Variants in ATP8A2 observed in about 807,000 individuals in gnomAD.
The protein encoded by ATP8A2 is phospholipid-transporting ATPase IB.
Under a neutral mutation model 165.6 loss-of-function variants are expected in ATP8A2, and 100 were observed. The observed-to-expected ratio is 0.60, with a 90% CI of 0.51 to 0.71. The LOEUF is 0.71. ATP8A2 is among the 30% of genes least tolerant of loss of function. The pLI is 0.00. For synonymous variants in ATP8A2, 543 were observed against 548.8 expected (o/e 0.99, Z 0.15); for missense variants, 1,227 against 1,479.5 (o/e 0.83, Z 2.80).
chr13:25,828,152 A>T lies in ATP8A2; in HGVS notation c.2714A>T (p.Gln905Leu). 1 of 1,614,178 alleles carries T rather than the reference A, an allele frequency of 6.2e-7. No individual in the cohort carries two copies. The highest frequency in any genetic ancestry group is 8.5e-7 in the Non-Finnish European group (1 of 1,180,008). ...WFAFVNGFSG[Q>L]ILFERWCIGL... ...GCCTTTGTTAATGGATTTTCTGGGC[A>T]GATTTTATTTGAACGTTGGTGCATC... Residue 905 changes from glutamine (Q) to leucine (L), a missense_variant, in exon 28 of 37, where the codon CAG (glutamine) becomes CTG (leucine). By Grantham distance (113) the Gln-to-Leu change is moderately radical. This residue lies in a region of ATP8A2 where 592 missense variants were observed against 785.6 expected (regional missense o/e 0.75). Transcript: ENST00000381655.
chr13:25,781,815 A>C (rs544095234), intron 27 of ATP8A2, among the ~76,000 whole-genome samples: 1 of 152,296 alleles, frequency 6.6e-6, no homozygotes, highest in East Asian at 1.9e-4. Flanking sequence ...TTAGAAAAAA[A>C]TCATATCTAA....
At chr13:25,481,265 G>T (rs966976535) in intron 2 of ATP8A2, among the ~76,000 whole-genome samples, 3 of 152,034 alleles carry the variant, frequency 2.0e-5, no homozygotes, top group African/African-American at 7.2e-5. Context: ...TCCCAATATT[G>T]TTTTTGCCCA....
chr13:26,006,951 T>C (rs1956752207), intron 35 of ATP8A2, among the ~76,000 whole-genome samples: 1 of 151,870 alleles, frequency 6.6e-6, no homozygotes, highest in South Asian at 2.1e-4. Flanking sequence ...ATACTGAATT[T>C]AGTTTGCTAG....
At chr13:26,003,517 C>T (rs375460688) in intron 35 of ATP8A2, among the ~76,000 whole-genome samples, 2 of 152,246 alleles carry the variant, frequency 1.3e-5, no homozygotes, top group African/African-American at 2.4e-5. Flanking sequence ...TGTGCAGAAG[C>T]TCTATTGTTT....
At chr13:25,987,218 G>A (rs529855402) in intron 35 of ATP8A2, among the ~76,000 whole-genome samples, 8 of 152,094 alleles carry the variant, frequency 5.3e-5, no homozygotes, top group Admixed American at 1.3e-4. Flanking sequence ...ATTGGTTGCC[G>A]TAAATCTTTT....
intron 27 of ATP8A2, among the ~76,000 whole-genome samples, chr13:25,813,562 C>T (rs1049893020): frequency 5.0e-5 from 5 of 100,970 alleles, no homozygotes; most frequent in Admixed American, 1.2e-4. Flanking sequence ...TATGATGATA[C>T]GATATAATAT....
chr13:25,796,637 A>G (rs981745155), intron 27 of ATP8A2, among the ~76,000 whole-genome samples: 22 of 152,198 alleles, frequency 1.4e-4, no homozygotes, highest in Non-Finnish European at 1.6e-4. Flanking sequence ...GCCCAGAGGG[A>G]AGTATTTCTC....
At chr13:25,574,013 A>G (rs1242007596) in intron 18 of ATP8A2, among the ~76,000 whole-genome samples, 1 of 152,252 alleles carries the variant, frequency 6.6e-6, no homozygotes, top group Admixed American at 6.5e-5. Context: ...TCACACACTT[A>G]GAGGCAGAAA....
At chr13:25,740,555 G>A (rs1265842557) in intron 25 of ATP8A2, among the ~76,000 whole-genome samples, 1 of 152,112 alleles carries the variant, frequency 6.6e-6, no homozygotes, top group Non-Finnish European at 1.5e-5. Flanking sequence ...ATTTAGGAGG[G>A]AAAATCAACA....
chr13:25,824,120 A>C (rs930363586), intron 27 of ATP8A2, among the ~76,000 whole-genome samples: 1 of 152,008 alleles, frequency 6.6e-6, no homozygotes, highest in Non-Finnish European at 1.5e-5. Flanking sequence ...ACAGGTGTGC[A>C]CCACCACGCC....
At chr13:25,704,994 T>C (rs2043026316) in intron 25 of ATP8A2, among the ~76,000 whole-genome samples, 1 of 152,238 alleles carries the variant, frequency 6.6e-6, no homozygotes, top group African/African-American at 2.4e-5. Flanking sequence ...TTTTCAACTG[T>C]CTTATATGTT....
intron 6 of ATP8A2, among the ~76,000 whole-genome samples, chr13:25,535,835 CA>C (rs1296452238): frequency 4.0e-5 from 6 of 151,048 alleles, no homozygotes; most frequent in Admixed American, 6.6e-5. Context: ...AACAAACAAC[CA>C]AAAAAAAATT....
chr13:25,616,986 T>TAAA (rs2040844119), intron 24 of ATP8A2, among the ~76,000 whole-genome samples: 1 of 152,184 alleles, frequency 6.6e-6, no homozygotes, highest in Non-Finnish European at 1.5e-5. Context: ...AGATTAAATA[T>TAAA]GTAATTGGAA....
chr13:25,775,583 A>G (rs7328022), intron 27 of ATP8A2, among the ~76,000 whole-genome samples: 8,222 of 152,206 alleles, frequency 0.054, 574 homozygotes, highest in Admixed American at 0.14. Context: ...AGTTACCAGT[A>G]AAACAAACGT....
intron 24 of ATP8A2, among the ~76,000 whole-genome samples, chr13:25,645,245 C>T (rs1350074836): frequency 1.3e-5 from 2 of 152,054 alleles, no homozygotes. Context: ...AGCAGAAATC[C>T]CCAGTAAATG....
intron 27 of ATP8A2, among the ~76,000 whole-genome samples, chr13:25,787,682 A>G (rs983127244): frequency 6.6e-6 from 1 of 152,228 alleles, no homozygotes; most frequent in Non-Finnish European, 1.5e-5. Context: ...AACTTGGCCC[A>G]GGGGCCTCTG....
chr13:25,582,918 A>C (rs2039815384), intron 23 of ATP8A2, among the ~76,000 whole-genome samples: 2 of 152,350 alleles, frequency 1.3e-5, no homozygotes, highest in Admixed American at 1.3e-4. Context: ...TGTCAGGGAT[A>C]TAGCTAATTA....
chr13:25,954,158 G>A (rs771944133), intron 33 of ATP8A2, among the ~76,000 whole-genome samples: 31 of 152,284 alleles, frequency 2.0e-4, no homozygotes, highest in East Asian at 5.8e-4. Flanking sequence ...TGGGACACTC[G>A]AGCTTGGTTA....
chr13:25,988,572 G>A (rs1323277887), intron 35 of ATP8A2, among the ~76,000 whole-genome samples: 3 of 152,182 alleles, frequency 2.0e-5, no homozygotes, highest in Non-Finnish European at 4.4e-5. Flanking sequence ...GATGAAGTGG[G>A]AGAAGGATCA....
Sources: allele counts gnomAD v4.1 joint callset (sites outside exome capture counted in the v4.1 genomes callset), GRCh38; gene constraint gnomAD v4.1.1; regional missense constraint gnomAD v4.1.1; transcripts MANE v1.5; gene names NCBI Gene and HGNC (gene_info 2026-07-23, HGNC 2026-07-21).